DTD1: variants seen among roughly 807,000 people sequenced by gnomAD.
The protein encoded by DTD1 is D-tyrosyl-tRNA deacylase 1 homolog.
Under a neutral mutation model 25.6 loss-of-function variants are expected in DTD1, and 13 were observed. That is an observed-to-expected ratio of 0.51 (90% CI 0.33 to 0.81). The LOEUF (loss-of-function observed/expected upper bound fraction) is 0.81. Ranked by LOEUF, DTD1 falls within the 30% of genes least tolerant of loss-of-function variation. The pLI, the probability that DTD1 is intolerant of heterozygous loss-of-function variation, is 0.02. For missense variants in DTD1, 193 were observed against 266.4 expected, an observed-to-expected ratio of 0.72 and a Z score of 1.92; for synonymous variants, 110 against 103.6, an observed-to-expected ratio of 1.06 and a Z score of -0.37.
chr20:18,590,104 T>C (rs957410498), intron 1 of DTD1, among the ~76,000 whole-genome samples: 1 of 152,234 alleles, frequency 6.6e-6, no homozygotes, highest in Admixed American at 6.5e-5. Context: ...ACAGCATAGA[T>C]TATCAGGAGT....
chr20:18,751,841 G>GTTTTTT (rs149413679), intron 5 of DTD1, among the ~76,000 whole-genome samples: 1 of 147,240 alleles, frequency 6.8e-6, no homozygotes, highest in African/African-American at 2.5e-5. Flanking sequence ...TAGACTTGTA[G>GTTTTTT]TTTTTTTTTT....
intron 1 of DTD1, among the ~76,000 whole-genome samples, chr20:18,591,735 A>G (rs914851273): frequency 1.3e-5 from 2 of 152,222 alleles, no homozygotes; most frequent in Non-Finnish European, 2.9e-5. Flanking sequence ...TTTAGAAAGT[A>G]TATCAATATT....
intron 4 of DTD1, among the ~76,000 whole-genome samples, chr20:18,668,025 G>GCT (rs2060938385): frequency 6.6e-6 from 1 of 152,078 alleles, no homozygotes; most frequent in East Asian, 1.9e-4. Flanking sequence ...TTTAGACAGA[G>GCT]GCTGCCAGTT....
intron 3 of DTD1, among the ~76,000 whole-genome samples, chr20:18,597,803 T>C (rs1293930660): frequency 6.6e-6 from 1 of 152,208 alleles, no homozygotes; most frequent in Non-Finnish European, 1.5e-5. Flanking sequence ...CAACCTGTCT[T>C]GCTTCCTTCT....
At chr20:18,675,366 G>A (rs2060966154) in intron 4 of DTD1, 1 of 152,318 alleles carries the variant, frequency 6.6e-6, no homozygotes, top group South Asian at 2.1e-4. Flanking sequence ...GGACCATTTT[G>A]AAGTCTGGCT....
At position 18,765,864 on chromosome 20, in the gene DTD1, G is replaced by A. The variant is rs533531521; in HGVS notation, c.*2524G>A. The A allele has an allele frequency of 2.6e-5, 4 of 152,346 alleles. No individual in the cohort carries two copies. The East Asian group carries it at 7.7e-4, about 29-fold the overall frequency. 9.4% of individuals were successfully genotyped at this position (152,346 alleles called of 1,614,324 possible). ...TCCATTAAAACATCATTTGAATGAGGATGGGAGAGGAGAATCGTACCATGT... is the reference window on the plus strand; with the variant it reads ...TCCATTAAAACATCATTTGAATGAGAATGGGAGAGGAGAATCGTACCATGT... On this transcript the variant is annotated 3_prime_UTR_variant, in exon 6 of 6. Coordinates refer to ENST00000377452, the MANE Select transcript of DTD1 (RefSeq NM_080820.6).
At chr20:18,757,447 T>C (rs2061343704) in intron 5 of DTD1, among the ~76,000 whole-genome samples, 1 of 152,236 alleles carries the variant, frequency 6.6e-6, no homozygotes, top group Non-Finnish European at 1.5e-5. Flanking sequence ...ATATGTCCCA[T>C]CAATACCTAA....
At chr20:18,669,036 C>G (rs1045302809) in intron 4 of DTD1, among the ~76,000 whole-genome samples, 8 of 152,204 alleles carry the variant, frequency 5.3e-5, no homozygotes, top group African/African-American at 1.9e-4. Flanking sequence ...CCTCAAAAGG[C>G]AGGGAGGGCA....
intron 4 of DTD1, among the ~76,000 whole-genome samples, chr20:18,645,659 G>A (rs971387170): frequency 6.6e-6 from 1 of 152,188 alleles, no homozygotes; most frequent in Non-Finnish European, 1.5e-5. Context: ...CCTATTCCTG[G>A]CTGAAATGGT....
At chr20:18,616,782 G>A (rs531747911) in intron 3 of DTD1, among the ~76,000 whole-genome samples, 39 of 152,294 alleles carry the variant, frequency 2.6e-4, no homozygotes, top group Middle Eastern at 6.8e-3. Context: ...ACTCTAGCCC[G>A]GGTGATAGAG....
intron 4 of DTD1, among the ~76,000 whole-genome samples, chr20:18,640,570 C>T (rs955867907): frequency 2.7e-5 from 4 of 150,876 alleles, no homozygotes; most frequent in East Asian, 3.9e-4. Context: ...TATACAGTTT[C>T]GTGGCATTAG....
At chr20:18,594,220 G>A (rs1160075813) in intron 2 of DTD1, among the ~76,000 whole-genome samples, 1 of 152,160 alleles carries the variant, frequency 6.6e-6, no homozygotes, top group South Asian at 2.1e-4. Context: ...AACTCAGAGA[G>A]GTTAAATTGC....
chr20:18,713,930 G>T (rs1000259478), intron 4 of DTD1, among the ~76,000 whole-genome samples: 1 of 152,180 alleles, frequency 6.6e-6, no homozygotes, highest in Non-Finnish European at 1.5e-5. Flanking sequence ...GCTGCCCAGA[G>T]CCCAGCACGG....
chr20:18,657,503 T>C (rs1207417491), intron 4 of DTD1, among the ~76,000 whole-genome samples: 1 of 152,186 alleles, frequency 6.6e-6, no homozygotes, highest in Non-Finnish European at 1.5e-5. Flanking sequence ...CCTTAGCTAA[T>C]TGGGTTGCCC....
intron 5 of DTD1, among the ~76,000 whole-genome samples, chr20:18,756,163 G>GT (rs1227403804): frequency 6.6e-6 from 1 of 152,162 alleles, no homozygotes; most frequent in Non-Finnish European, 1.5e-5. Context: ...GTAGATTCTG[G>GT]ATATTAGCCG....
chr20:18,608,062 A>G (rs115715230), intron 3 of DTD1, among the ~76,000 whole-genome samples: 239 of 152,024 alleles, frequency 1.6e-3, no homozygotes, highest in African/African-American at 5.6e-3. Context: ...CTTTCAAGAA[A>G]TTGGTCTTTT....
At chr20:18,671,624 GGTT>G (rs1568664263) in intron 4 of DTD1, among the ~76,000 whole-genome samples, 4 of 152,164 alleles carry the variant, frequency 2.6e-5, no homozygotes, top group Admixed American at 1.3e-4. Flanking sequence ...CACTTTAATT[GGTT>G]GTTGTTAGAG....
At chr20:18,620,378 A>G (rs2060728905) in intron 3 of DTD1, among the ~76,000 whole-genome samples, 1 of 152,022 alleles carries the variant, frequency 6.6e-6, no homozygotes, top group African/African-American at 2.4e-5. Context: ...TGATCTCTTA[A>G]TTTCACTTCC....
At chr20:18,746,809 G>T (rs914565570) in intron 5 of DTD1, among the ~76,000 whole-genome samples, 7 of 152,196 alleles carry the variant, frequency 4.6e-5, no homozygotes, top group Non-Finnish European at 1.5e-5. Flanking sequence ...AGGGTGGATT[G>T]TTGGTTCATA....
Sources: allele counts gnomAD v4.1 joint callset (sites outside exome capture counted in the v4.1 genomes callset), GRCh38; gene constraint gnomAD v4.1.1; transcripts MANE v1.5; gene names NCBI Gene and HGNC (gene_info 2026-07-23, HGNC 2026-07-21).